The following SGCZ variants were observed in gnomAD, a reference collection of about 807,000 sequenced individuals.
SGCZ encodes sarcoglycan zeta, also known as zeta-sarcoglycan.
A neutral mutation model predicts 41.3 loss-of-function variants in SGCZ; 40 were observed. That is an observed-to-expected ratio of 0.97 (90% CI 0.75 to 1.26). The LOEUF is 1.26. Among genes scored for constraint, SGCZ ranks in the 50% most tolerant of loss-of-function variants. The pLI, the probability that SGCZ is intolerant of heterozygous loss-of-function variation, is 0.00. For synonymous variants in SGCZ, 206 were observed against 137.5 expected (o/e 1.50, Z -3.49); for missense variants, 552 against 369.8 (o/e 1.49, Z -4.04).
chr8:15,176,517 C>T (rs1451712344), intron 1 of SGCZ, among the ~76,000 whole-genome samples: 3 of 152,064 alleles, frequency 2.0e-5, no homozygotes, highest in East Asian at 3.9e-4. Context: ...AACTTTTAAA[C>T]ATATCAGCTT....
rs200114899 is a variant in SGCZ at position 14,428,101 on chromosome 8, TACACACACACAC to T, written c.235-103909_235-103898del. ...GCAGATACTGAAGAATGGTTGTATATACACACACACACACACACACACACACACACACATATA... is the reference window on the plus strand; with the variant it reads ...GCAGATACTGAAGAATGGTTGTATATACACACACACACACACACACATATA... On this transcript the variant is annotated intron_variant, in intron 2 of 7. Coordinates refer to ENST00000382080, the MANE Select transcript of SGCZ (RefSeq NM_139167.4). Among the ~76,000 whole-genome samples, 360 of 124,476 alleles carry T rather than the reference TACACACACACAC, an allele frequency of 2.9e-3. 4 individuals carry two copies. In the South Asian group the frequency reaches 0.038, roughly 13 times the overall value. The allele number at this position is 124,476 out of a possible 152,430, so 81.7% of individuals were successfully genotyped here. A position where few individuals can be genotyped will look rare whatever the true frequency, so the allele number is the denominator to read the frequency against.
chr8:14,852,323 TAATAC>T (rs1803358814), intron 1 of SGCZ, among the ~76,000 whole-genome samples: 3 of 152,204 alleles, frequency 2.0e-5, no homozygotes, highest in Non-Finnish European at 4.4e-5. Context: ...TCTACAGTCA[TAATAC>T]TTTGTAAATA....
chr8:14,415,025 G>A (rs938218496), intron 2 of SGCZ, among the ~76,000 whole-genome samples: 1 of 151,840 alleles, frequency 6.6e-6, no homozygotes, highest in African/African-American at 2.4e-5. Context: ...GGTGCTCGAA[G>A]ATTTTACAAA....
At chr8:14,390,089 G>T (rs976007762) in intron 2 of SGCZ, among the ~76,000 whole-genome samples, 1 of 151,852 alleles carries the variant, frequency 6.6e-6, no homozygotes, top group Non-Finnish European at 1.5e-5. Flanking sequence ...AATAGACTAT[G>T]AATTTTATTG....
chr8:15,165,409 A>G (rs1368013603), intron 1 of SGCZ, among the ~76,000 whole-genome samples: 1 of 152,172 alleles, frequency 6.6e-6, no homozygotes, highest in African/African-American at 2.4e-5. Context: ...TATTGGTAAC[A>G]TGCAACATGC....
intron 1 of SGCZ, among the ~76,000 whole-genome samples, chr8:15,157,718 C>A (rs936519338): frequency 6.6e-6 from 1 of 152,166 alleles, no homozygotes; most frequent in Non-Finnish European, 1.5e-5. Flanking sequence ...CTTAGGCACC[C>A]TGAATGAAAC....
chr8:14,114,103 A>G (rs989811786), intron 5 of SGCZ, among the ~76,000 whole-genome samples: 1 of 151,934 alleles, frequency 6.6e-6, no homozygotes. Flanking sequence ...GTAACTTACG[A>G]CTTTCTTGAA....
At chr8:14,273,601 T>C (rs2117269160) in intron 3 of SGCZ, among the ~76,000 whole-genome samples, 1 of 152,314 alleles carries the variant, frequency 6.6e-6, no homozygotes, top group East Asian at 1.9e-4. Context: ...CTTTAAAGTT[T>C]TATACATTTT....
intron 4 of SGCZ, among the ~76,000 whole-genome samples, chr8:14,200,632 T>C (rs980808609): frequency 6.6e-6 from 1 of 152,126 alleles, no homozygotes; most frequent in Admixed American, 6.5e-5. Context: ...TTGTTTTGTT[T>C]TTCCAACAAA....
chr8:14,775,280 C>T (rs1351240110), intron 1 of SGCZ, among the ~76,000 whole-genome samples: 32 of 151,888 alleles, frequency 2.1e-4, no homozygotes, highest in Admixed American at 2.1e-3. Context: ...GAACAAAAAC[C>T]ATTCAGTAAT....
chr8:14,808,879 A>G (rs1585279629), intron 1 of SGCZ, among the ~76,000 whole-genome samples: 1 of 151,766 alleles, frequency 6.6e-6, no homozygotes, highest in Non-Finnish European at 1.5e-5. Context: ...GCACATATAC[A>G]CCATGGAATA....
chr8:14,228,178 G>C (rs561191343), intron 4 of SGCZ, among the ~76,000 whole-genome samples: 6 of 151,976 alleles, frequency 3.9e-5, no homozygotes, highest in African/African-American at 1.4e-4. Flanking sequence ...TCTTATCAAG[G>C]CAAACACAAA....
chr8:15,054,300 A>G (rs1183891783), intron 1 of SGCZ, among the ~76,000 whole-genome samples: 1 of 152,210 alleles, frequency 6.6e-6, no homozygotes, highest in Non-Finnish European at 1.5e-5. Context: ...CATATGAGTC[A>G]GTTCAGCTCA....
At position 14,699,542 on chromosome 8, in the gene SGCZ, T is replaced by G. The variant is rs546043662; in HGVS notation, c.40-144616A>C. Among the ~76,000 whole-genome samples the G allele has an allele frequency of 2.7e-3, 416 of 152,030 alleles. 4 individuals are homozygous for G. Among genetic ancestry groups the G allele is most frequent in the African/African-American group, 9.7e-3 (401 of 41,534 alleles). On this transcript the variant is annotated intron_variant, in intron 1 of 7. Coordinates refer to ENST00000382080, the MANE Select transcript of SGCZ (RefSeq NM_139167.4). ...GAAGAAATTCTAGAAAATACCATTCTGGACATCGACCTTGGCAAAAAATGT... is the reference window on the plus strand; with the variant it reads ...GAAGAAATTCTAGAAAATACCATTCGGGACATCGACCTTGGCAAAAAATGT...
At chr8:14,427,453 CAA>C (rs1799819032) in intron 2 of SGCZ, among the ~76,000 whole-genome samples, 1 of 152,146 alleles carries the variant, frequency 6.6e-6, no homozygotes, top group African/African-American at 2.4e-5. Context: ...CACAGAGACC[CAA>C]AGATATTTTT....
intron 2 of SGCZ, among the ~76,000 whole-genome samples, chr8:14,431,786 G>C (rs565459482): frequency 6.6e-6 from 1 of 152,216 alleles, no homozygotes; most frequent in Admixed American, 6.5e-5. Context: ...CTATACATCT[G>C]ACAATGGACT....
chr8:14,100,010 A>ACTAT (rs1005467731), intron 7 of SGCZ, among the ~76,000 whole-genome samples: 53 of 152,286 alleles, frequency 3.5e-4, no homozygotes, highest in African/African-American at 1.3e-3. Context: ...TAGTTTAAAA[A>ACTAT]CTATCTAAGG....
At chr8:14,945,083 A>G (rs1418571380) in intron 1 of SGCZ, among the ~76,000 whole-genome samples, 1 of 147,100 alleles carries the variant, frequency 6.8e-6, no homozygotes, top group Non-Finnish European at 1.5e-5. Context: ...ATTCAAGTAC[A>G]ACATGCACAA....
At chr8:14,972,028 C>A (rs7006724) in intron 1 of SGCZ, among the ~76,000 whole-genome samples, 1 of 151,810 alleles carries the variant, frequency 6.6e-6, no homozygotes, top group African/African-American at 2.4e-5. Flanking sequence ...TGTTTGGTTT[C>A]GGGTTATTAC....
Sources: allele counts gnomAD v4.1 joint callset (sites outside exome capture counted in the v4.1 genomes callset), GRCh38; gene constraint gnomAD v4.1.1; transcripts MANE v1.5; gene names NCBI Gene and HGNC (gene_info 2026-07-23, HGNC 2026-07-21).